The following EYA2 variants were observed in gnomAD, a reference collection of about 807,000 sequenced individuals.
EYA2 encodes protein phosphatase EYA2.
Under a neutral mutation model 69.2 loss-of-function variants are expected in EYA2, and 31 were observed. The observed-to-expected ratio is 0.45, with a 90% CI of 0.34 to 0.60. The LOEUF (loss-of-function observed/expected upper bound fraction) is 0.60. EYA2 is among the 20% of genes least tolerant of loss of function. The pLI is 0.02. For missense variants in EYA2, 622 were observed against 701.2 expected (o/e 0.89, Z 1.28); for synonymous variants, 257 against 279.4 (o/e 0.92, Z 0.80).
chr20:46,970,526 A>G (rs2146299015), intron 1 of EYA2, among the ~76,000 whole-genome samples: 1 of 152,320 alleles, frequency 6.6e-6, no homozygotes, highest in African/African-American at 2.4e-5. Context: ...AAACCTCAAT[A>G]GTGCCAAGGC....
At chr20:47,104,522 G>A (rs2032520114) in intron 9 of EYA2, among the ~76,000 whole-genome samples, 1 of 152,164 alleles carries the variant, frequency 6.6e-6, no homozygotes. Context: ...AGGTCACAGA[G>A]ATTTACTCCT....
At chr20:47,089,170 G>C in intron 7 of EYA2, 69 bp from the exon 8 acceptor site, 1 of 1,574,194 alleles carries the variant, frequency 6.4e-7, no homozygotes, top group Non-Finnish European at 8.7e-7. Context: ...CGGTGCTGTT[G>C]GGATATTTCC....
intron 5 of EYA2, among the ~76,000 whole-genome samples, chr20:47,016,953 G>A (rs1983448983): frequency 6.6e-6 from 1 of 152,210 alleles, no homozygotes; most frequent in Non-Finnish European, 1.5e-5. Flanking sequence ...AATGTCGGGT[G>A]GTGGAAATAT....
At chr20:46,975,779 G>A (rs1980423667) in intron 1 of EYA2, among the ~76,000 whole-genome samples, 1 of 152,208 alleles carries the variant, frequency 6.6e-6, no homozygotes, top group African/African-American at 2.4e-5. Flanking sequence ...GCCGGGCGTG[G>A]TTCTGTGCAC....
At chr20:47,018,779 A>G (rs1347479837) in intron 5 of EYA2, among the ~76,000 whole-genome samples, 1 of 152,192 alleles carries the variant, frequency 6.6e-6, no homozygotes, top group Non-Finnish European at 1.5e-5. Flanking sequence ...GCTTTCATAG[A>G]TGGTGAAAGT....
intron 9 of EYA2, among the ~76,000 whole-genome samples, chr20:47,099,082 A>G (rs2032350907): frequency 6.6e-6 from 1 of 152,232 alleles, no homozygotes; most frequent in South Asian, 2.1e-4. Context: ...TACAAATTAC[A>G]CAAATATAAT....
intron 1 of EYA2, among the ~76,000 whole-genome samples, chr20:46,939,397 A>T (rs1225724233): frequency 6.6e-6 from 1 of 152,116 alleles, no homozygotes; most frequent in Non-Finnish European, 1.5e-5. Context: ...AGTGATAGAG[A>T]TGGGGGGAGG....
At chr20:47,034,254 T>A (rs1984571852) in intron 5 of EYA2, among the ~76,000 whole-genome samples, 1 of 152,246 alleles carries the variant, frequency 6.6e-6, no homozygotes, top group Non-Finnish European at 1.5e-5. Flanking sequence ...ACAGTAATAA[T>A]ATAAAGTCTT....
chr20:46,918,405 C>T (rs1985024006), intron 1 of EYA2, among the ~76,000 whole-genome samples: 1 of 151,808 alleles, frequency 6.6e-6, no homozygotes, highest in African/African-American at 2.4e-5. Flanking sequence ...ACCTCTGGGG[C>T]TCAAGCAATT....
intron 1 of EYA2, among the ~76,000 whole-genome samples, chr20:46,943,476 A>G (rs1217311040): frequency 6.6e-6 from 1 of 152,202 alleles, no homozygotes; most frequent in African/African-American, 2.4e-5. Context: ...TCAATGAGAA[A>G]TACGCCAGCC....
intron 7 of EYA2, among the ~76,000 whole-genome samples, chr20:47,078,323 GCGCGCGCGCACACACA>G (rs1434750755): frequency 3.9e-5 from 2 of 50,970 alleles, no homozygotes; most frequent in Non-Finnish European, 7.6e-5. Flanking sequence ...GCACGTGCGC[GCGCGCGCGCACACACA>G]CACACACACA....
chr20:47,029,156 G>C (rs1984263435), intron 5 of EYA2, among the ~76,000 whole-genome samples: 1 of 152,188 alleles, frequency 6.6e-6, no homozygotes, highest in Non-Finnish European at 1.5e-5. Flanking sequence ...AGCTCAGAAG[G>C]GGAAGAAATG....
At chr20:47,010,628 CA>C (rs11086189) in intron 4 of EYA2, among the ~76,000 whole-genome samples, 3 of 146,686 alleles carry the variant, frequency 2.0e-5, no homozygotes, top group East Asian at 2.0e-4. Context: ...AATCCTGTCT[CA>C]AAAAAAAAAG....
chr20:47,055,521 G>A (rs2030567074), intron 5 of EYA2, among the ~76,000 whole-genome samples: 1 of 152,062 alleles, frequency 6.6e-6, no homozygotes, highest in African/African-American at 2.4e-5. Flanking sequence ...TGCTGCGACC[G>A]CCTTACCTGG....
rs747531059 is a variant in EYA2 at position 47,172,887 on chromosome 20, G to A, written c.1198+20G>A. 6.3e-7 allele frequency: 1 copy of A among 1,591,260 alleles called. No individual in the cohort carries two copies. The highest frequency in any genetic ancestry group is 8.6e-7 in the Non-Finnish European group (1 of 1,166,460). ...TTGGTGGTGAGTACTGTGAGCCTTG[G>A]GCCTCCGAGGAAGGGAAACTCATTG... On this transcript the variant is annotated intron_variant, in intron 12 of 15. Transcript: ENST00000327619.
chr20:47,151,452 C>G (rs1400932165), intron 10 of EYA2, among the ~76,000 whole-genome samples: 1 of 151,858 alleles, frequency 6.6e-6, no homozygotes, highest in Non-Finnish European at 1.5e-5. Flanking sequence ...CTCTTTTCAT[C>G]ATTTGCTCCA....
At chr20:47,018,293 G>A (rs1222318791) in intron 5 of EYA2, among the ~76,000 whole-genome samples, 1 of 151,766 alleles carries the variant, frequency 6.6e-6, no homozygotes, top group Non-Finnish European at 1.5e-5. Flanking sequence ...TGTAGGAGAG[G>A]CCCCCATTCA....
chr20:47,025,176 A>T (rs1185642988), intron 5 of EYA2, among the ~76,000 whole-genome samples: 1 of 152,106 alleles, frequency 6.6e-6, no homozygotes, highest in African/African-American at 2.4e-5. Flanking sequence ...AATGCTTCTC[A>T]GTTTATTATT....
chr20:46,897,318 C>G (rs985215449), intron 1 of EYA2, among the ~76,000 whole-genome samples: 7 of 152,146 alleles, frequency 4.6e-5, no homozygotes, highest in African/African-American at 1.7e-4. Context: ...TTAGGGTGAG[C>G]AAGCTATGGA....
Sources: allele counts gnomAD v4.1 joint callset (sites outside exome capture counted in the v4.1 genomes callset), GRCh38; gene constraint gnomAD v4.1.1; transcripts MANE v1.5; gene names NCBI Gene and HGNC (gene_info 2026-07-23, HGNC 2026-07-21).